MSI2: variants seen among roughly 807,000 people sequenced by gnomAD.
MSI2 encodes the protein musashi RNA binding protein 2, also known as RNA-binding protein Musashi homolog 2.
MSI2 carries 17 observed loss-of-function variants against 45.6 expected under a neutral mutation model. The observed-to-expected ratio is 0.37, with a 90% CI of 0.26 to 0.56. MSI2 has a LOEUF of 0.56. Ranked by LOEUF, MSI2 falls within the 20% of genes least tolerant of loss-of-function variation. The pLI is 0.77. For missense variants in MSI2, 293 were observed against 444.2 expected, an observed-to-expected ratio of 0.66 and a Z score of 3.06; for synonymous variants, 156 against 158.2, an observed-to-expected ratio of 0.99 and a Z score of 0.11.
rs374205394 is a variant in MSI2, at chr17:57,675,729, T to C, written c.945+603T>C. Among the ~76,000 whole-genome samples, 7 of 152,342 alleles carry C rather than the reference T, an allele frequency of 4.6e-5. No homozygotes were observed. In the East Asian group the frequency reaches 7.7e-4, roughly 17 times the overall value. On this transcript the variant is annotated intron_variant, in intron 12 of 13. Transcript: ENST00000284073. ...AGGCAGTTTCCTTTGCTAATGTTTC[T>C]TACAGTTTCCAGGTTCCAAGTAAGT... is the stretch of plus-strand genomic sequence containing the variant.
intron 6 of MSI2, among the ~76,000 whole-genome samples, chr17:57,427,223 C>G (rs1225577918): frequency 1.3e-5 from 2 of 151,804 alleles, no homozygotes; most frequent in Non-Finnish European, 2.9e-5. Flanking sequence ...ATGGTGAAAC[C>G]CTGTCTCTAA....
chr17:57,570,320 C>T (rs1227711177), intron 7 of MSI2, among the ~76,000 whole-genome samples: 1 of 152,132 alleles, frequency 6.6e-6, no homozygotes, highest in Non-Finnish European at 1.5e-5. Flanking sequence ...TTATGATATG[C>T]AGGTTGGGTT....
Position 57,584,440 on chromosome 17 carries a change from C to T in MSI2, c.455-12428C>T, listed in dbSNP as rs143366548. 2.0e-3 allele frequency among the ~76,000 whole-genome samples: 300 copies of T among 152,220 alleles called. 1 individual carries two copies. Among genetic ancestry groups the T allele is most frequent in the African/African-American group, 6.5e-3 (269 of 41,530 alleles). ...CAGGCAGGTTTGCTGGCAGTGTAGCCGGGTGGGGTCATGGAGATGCTGGCA... is the reference window on the plus strand; with the variant it reads ...CAGGCAGGTTTGCTGGCAGTGTAGCTGGGTGGGGTCATGGAGATGCTGGCA... On this transcript the variant is annotated intron_variant, in intron 7 of 13. Transcript: ENST00000284073.
chr17:57,348,705 C>T (rs1915798725), intron 5 of MSI2, among the ~76,000 whole-genome samples: 1 of 152,118 alleles, frequency 6.6e-6, no homozygotes. Context: ...GCCTGAAGAA[C>T]CGCGAGCCAA....
At chr17:57,459,434 C>T (rs1352070800) in intron 6 of MSI2, among the ~76,000 whole-genome samples, 2 of 152,180 alleles carry the variant, frequency 1.3e-5, no homozygotes, top group African/African-American at 4.8e-5. Context: ...GTGGCTTTTG[C>T]TCTTCTGACA....
chr17:57,523,660 G>A (rs1342391306), intron 6 of MSI2: 1 of 152,182 alleles, frequency 6.6e-6, no homozygotes, highest in African/African-American at 2.4e-5. Flanking sequence ...CTTGCTGATG[G>A]GGTGAGATTT....
chr17:57,557,416 C>G (rs961536286), intron 7 of MSI2, among the ~76,000 whole-genome samples: 1 of 152,246 alleles, frequency 6.6e-6, no homozygotes, highest in Non-Finnish European at 1.5e-5. Context: ...GGGGCCAAAG[C>G]CCCCTTTCCC....
chr17:57,575,985 C>T (rs138460299), intron 7 of MSI2, among the ~76,000 whole-genome samples: 2,490 of 147,428 alleles, frequency 0.017, 31 homozygotes, highest in Middle Eastern at 0.061. Context: ...GAAAAGGAGG[C>T]TCTGGTGGAT....
At chr17:57,580,428 C>T (rs1339497384) in intron 7 of MSI2, among the ~76,000 whole-genome samples, 2 of 152,220 alleles carry the variant, frequency 1.3e-5, no homozygotes, top group Non-Finnish European at 2.9e-5. Flanking sequence ...CTACAGGAAA[C>T]CCCGGGTGAG....
intron 6 of MSI2, among the ~76,000 whole-genome samples, chr17:57,451,727 G>A (rs918215998): frequency 6.6e-6 from 1 of 152,222 alleles, no homozygotes; most frequent in African/African-American, 2.4e-5. Flanking sequence ...TTTTGAGAAA[G>A]CCACACTGCG....
intron 6 of MSI2, among the ~76,000 whole-genome samples, chr17:57,424,271 T>G (rs78575787): frequency 0.035 from 5,389 of 152,328 alleles, 112 homozygotes; most frequent in Middle Eastern, 0.085. Context: ...CTCCAAGGTA[T>G]CCTTCTGGGA....
chr17:57,515,299 G>C (rs371757907), intron 6 of MSI2, among the ~76,000 whole-genome samples: 1 of 152,174 alleles, frequency 6.6e-6, no homozygotes, highest in East Asian at 1.9e-4. Flanking sequence ...CGCCTCCCGG[G>C]TTTAAGCAAT....
chr17:57,523,182 G>C (rs1445012178), intron 6 of MSI2, among the ~76,000 whole-genome samples: 1 of 151,986 alleles, frequency 6.6e-6, no homozygotes, highest in Non-Finnish European at 1.5e-5. Context: ...CGCGCAGCTG[G>C]GATTACAAGC....
intron 7 of MSI2, among the ~76,000 whole-genome samples, chr17:57,570,977 C>T (rs1304611509): frequency 6.6e-6 from 1 of 152,164 alleles, no homozygotes; most frequent in African/African-American, 2.4e-5. Flanking sequence ...GGGCCCCTCC[C>T]CCTGCAGATT....
At chr17:57,461,457 G>T (rs1309559879) in intron 6 of MSI2, among the ~76,000 whole-genome samples, 2 of 152,090 alleles carry the variant, frequency 1.3e-5, no homozygotes, top group Non-Finnish European at 2.9e-5. Context: ...GAGGGAATGT[G>T]CAGGGAAGTA....
At chr17:57,258,030 A>G (rs1034505826) in intron 3 of MSI2, among the ~76,000 whole-genome samples, 1 of 152,154 alleles carries the variant, frequency 6.6e-6, no homozygotes, top group African/African-American at 2.4e-5. Flanking sequence ...TGGAGGCACC[A>G]GCATTTTCCA....
At chr17:57,595,589 C>T (rs960164192) in intron 7 of MSI2, among the ~76,000 whole-genome samples, 1 of 152,044 alleles carries the variant, frequency 6.6e-6, no homozygotes, top group Non-Finnish European at 1.5e-5. Flanking sequence ...AGAGAAAAAA[C>T]AAGCTTTCTA....
At chr17:57,290,821 A>G (rs562772889) in intron 5 of MSI2, among the ~76,000 whole-genome samples, 4 of 152,310 alleles carry the variant, frequency 2.6e-5, no homozygotes, top group African/African-American at 9.6e-5. Flanking sequence ...GGCTCCTTCA[A>G]TGGCAGTGTT....
At chr17:57,612,831 G>A (rs914279442) in intron 8 of MSI2, among the ~76,000 whole-genome samples, 8 of 152,240 alleles carry the variant, frequency 5.3e-5, no homozygotes, top group Admixed American at 3.3e-4. Flanking sequence ...GATTGTCACC[G>A]ATAGGGCTAT....
Sources: allele counts gnomAD v4.1 joint callset (sites outside exome capture counted in the v4.1 genomes callset), GRCh38; gene constraint gnomAD v4.1.1; transcripts MANE v1.5; gene names NCBI Gene and HGNC (gene_info 2026-07-23, HGNC 2026-07-21).